Variants in EYS observed in about 807,000 individuals in gnomAD.
EYS encodes protein eyes shut homolog.
Under a neutral mutation model 282.1 loss-of-function variants are expected in EYS, and 250 were observed. That is an observed-to-expected ratio of 0.89 (90% CI 0.80 to 0.98). The LOEUF is 0.98. Among genes scored for constraint, EYS ranks in the 50% least tolerant of loss-of-function variants. The pLI is 0.00. For synonymous variants in EYS, 1,355 were observed against 1,282.9 expected, an observed-to-expected ratio of 1.06 and a Z score of -1.20; for missense variants, 4,016 against 3,709.0, an observed-to-expected ratio of 1.08 and a Z score of -2.15.
chr6:65,581,554 A>C (rs1055646601), intron 2 of EYS, among the ~76,000 whole-genome samples: 2 of 152,138 alleles, frequency 1.3e-5, no homozygotes, highest in African/African-American at 4.8e-5. Flanking sequence ...GGGAAACAAA[A>C]ATGTTGCTTT....
At chr6:63,988,406 G>A (rs1306872016) in intron 34 of EYS, among the ~76,000 whole-genome samples, 1 of 151,504 alleles carries the variant, frequency 6.6e-6, no homozygotes, top group Non-Finnish European at 1.5e-5. Context: ...AGCTATCAAT[G>A]ATTTATTAGA....
chr6:65,252,501 T>C (rs1280584271), intron 12 of EYS, among the ~76,000 whole-genome samples: 1 of 151,956 alleles, frequency 6.6e-6, no homozygotes, highest in Non-Finnish European at 1.5e-5. Flanking sequence ...AATGCATATA[T>C]CCTCAATAGG....
chr6:64,827,929 A>G (rs1765105822), intron 19 of EYS, among the ~76,000 whole-genome samples: 1 of 151,952 alleles, frequency 6.6e-6, no homozygotes, highest in South Asian at 2.1e-4. Context: ...GGATGGAATA[A>G]GAATAAAGTT....
At chr6:63,854,567 C>G (rs188780579) in intron 36 of EYS, among the ~76,000 whole-genome samples, 4 of 152,204 alleles carry the variant, frequency 2.6e-5, no homozygotes, top group Admixed American at 2.6e-4. Context: ...ACATGTATAC[C>G]TATGTAACAA....
chr6:63,898,792 A>C (rs1390687313), intron 35 of EYS, among the ~76,000 whole-genome samples: 1 of 29,160 alleles, frequency 3.4e-5, no homozygotes, highest in East Asian at 1.3e-3. Flanking sequence ...TAAACCTCAG[A>C]GAAAAGAATG....
chr6:65,441,501 A>C (rs1384249078), intron 5 of EYS, among the ~76,000 whole-genome samples: 1 of 152,028 alleles, frequency 6.6e-6, no homozygotes, highest in African/African-American at 2.4e-5. Flanking sequence ...AGGACTTATA[A>C]AAAATTCACT....
chr6:64,450,098 T>C (rs1031566993), intron 26 of EYS, among the ~76,000 whole-genome samples: 2 of 151,908 alleles, frequency 1.3e-5, no homozygotes, highest in African/African-American at 4.8e-5. Context: ...CAGTGTGCTG[T>C]ATTCAGGAAA....
intron 22 of EYS, among the ~76,000 whole-genome samples, chr6:64,649,651 T>G (rs1043252688): frequency 2.6e-5 from 4 of 152,152 alleles, no homozygotes; most frequent in Non-Finnish European, 4.4e-5. Context: ...TGCTTTCTTT[T>G]TATAGAAATC....
At chr6:64,280,974 C>CT (rs1768287579) in intron 30 of EYS, among the ~76,000 whole-genome samples, 1 of 152,006 alleles carries the variant, frequency 6.6e-6, no homozygotes, top group Admixed American at 6.6e-5. Flanking sequence ...GTAAAAGTAT[C>CT]TGTCTTTCTG....
intron 35 of EYS, among the ~76,000 whole-genome samples, chr6:63,924,917 T>C (rs1004873735): frequency 4.6e-5 from 7 of 152,214 alleles, no homozygotes; most frequent in African/African-American, 1.7e-4. Context: ...ATTCTGCCAC[T>C]GATTGCGTGG....
intron 26 of EYS, among the ~76,000 whole-genome samples, chr6:64,523,740 C>T (rs1777830268): frequency 6.6e-6 from 1 of 151,606 alleles, no homozygotes; most frequent in South Asian, 2.1e-4. Context: ...AGTGGAACTC[C>T]CTGAATGATG....
At chr6:65,353,738 C>T (rs1582176674) in intron 8 of EYS, 121 bp from the exon 9 acceptor site, 3 of 728,922 alleles carry the variant, frequency 4.1e-6, no homozygotes, top group East Asian at 2.7e-5. Flanking sequence ...TTATGGGACA[C>T]ACTTTTTATA....
chr6:63,845,389 A>AT (rs61568416), intron 36 of EYS, among the ~76,000 whole-genome samples: 1,868 of 145,550 alleles, frequency 0.013, 30 homozygotes, highest in African/African-American at 0.032. Context: ...TGATGCAAGG[A>AT]TTTTTTTTTT....
At chr6:65,025,863 T>C (rs1486977036) in intron 13 of EYS, among the ~76,000 whole-genome samples, 1 of 152,180 alleles carries the variant, frequency 6.6e-6, no homozygotes, top group Non-Finnish European at 1.5e-5. Context: ...AGGAGGACCA[T>C]TAGAAAAAAC....
At chr6:64,855,706 G>A (rs1286653917) in intron 19 of EYS, among the ~76,000 whole-genome samples, 1 of 152,096 alleles carries the variant, frequency 6.6e-6, no homozygotes, top group Non-Finnish European at 1.5e-5. Flanking sequence ...ATTGCATGAT[G>A]TCATGTATCC....
intron 12 of EYS, among the ~76,000 whole-genome samples, chr6:65,180,364 G>C (rs1277272129): frequency 6.6e-6 from 1 of 152,008 alleles, no homozygotes; most frequent in Admixed American, 6.6e-5. Flanking sequence ...AAAGTCTCAG[G>C]ATACAAAATC....
chr6:64,022,874 C>A (rs1334993137), intron 33 of EYS, among the ~76,000 whole-genome samples: 2 of 152,206 alleles, frequency 1.3e-5, no homozygotes, highest in Non-Finnish European at 2.9e-5. Context: ...GTTCTTTAGA[C>A]ATAGCAAAGA....
chr6:64,084,882 C>T (rs1772091600), intron 31 of EYS, among the ~76,000 whole-genome samples: 2 of 152,120 alleles, frequency 1.3e-5, no homozygotes, highest in Non-Finnish European at 2.9e-5. Context: ...CATAAAATGA[C>T]TTCAGGCCAG....
chr6:64,796,956 G>A (rs60431914), intron 22 of EYS, among the ~76,000 whole-genome samples: 3,862 of 152,102 alleles, frequency 0.025, 175 homozygotes, highest in African/African-American at 0.088. Context: ...GGTGGTGAAG[G>A]GAAACTCACA....
Sources: gnomAD v4.1 joint callset for allele counts (sites outside exome capture counted in the v4.1 genomes callset) on GRCh38, gnomAD v4.1.1 for gene constraint, MANE v1.5 for transcripts, NCBI Gene and HGNC (gene_info 2026-07-23, HGNC 2026-07-21) for gene names.